IGSF21: variants seen among roughly 807,000 people sequenced by gnomAD.
IGSF21 encodes immunoglobin superfamily member 21.
In IGSF21, 28 loss-of-function variants were observed where a neutral mutation model predicts 46.8. That is an observed-to-expected ratio of 0.60 (90% CI 0.44 to 0.82). The LOEUF (loss-of-function observed/expected upper bound fraction) is 0.82. Ranked by LOEUF, IGSF21 falls within the 40% of genes least tolerant of loss-of-function variation. The probability of loss-of-function intolerance (pLI) is 0.00; values close to 1 mark genes in which losing one functional copy is unlikely to be tolerated. For missense variants in IGSF21, 624 were observed against 665.5 expected (o/e 0.94, Z 0.69); for synonymous variants, 284 against 273.6 (o/e 1.04, Z -0.38).
At chr1:18,368,605 C>T (rs907955479) in intron 6 of IGSF21, among the ~76,000 whole-genome samples, 1 of 152,044 alleles carries the variant, frequency 6.6e-6, no homozygotes, top group Non-Finnish European at 1.5e-5. Context: ...CAACCCAGAG[C>T]CTGCTCCGAC....
intron 1 of IGSF21, among the ~76,000 whole-genome samples, chr1:18,212,680 G>A (rs1325033657): frequency 6.6e-6 from 1 of 152,202 alleles, no homozygotes; most frequent in African/African-American, 2.4e-5. Context: ...AACCCAGGGG[G>A]GGTCCTGGCC....
chr1:18,174,331 CT>C (rs1370710669), intron 1 of IGSF21, among the ~76,000 whole-genome samples: 1 of 152,184 alleles, frequency 6.6e-6, no homozygotes, highest in Non-Finnish European at 1.5e-5. Flanking sequence ...GTCTAAGCGT[CT>C]TCACAGATGG....
chr1:18,274,539 C>T (rs2085081587), intron 2 of IGSF21, among the ~76,000 whole-genome samples: 1 of 152,262 alleles, frequency 6.6e-6, no homozygotes, highest in Non-Finnish European at 1.5e-5. Context: ...GGAATACAGT[C>T]ATGTTCATTC....
At chr1:18,117,640 C>T (rs1033159802) in intron 1 of IGSF21, among the ~76,000 whole-genome samples, 3 of 152,166 alleles carry the variant, frequency 2.0e-5, no homozygotes, top group Non-Finnish European at 4.4e-5. Context: ...TGGTTGCTCC[C>T]TTGATGATGT....
At chr1:18,227,695 G>A (rs747679536) in intron 1 of IGSF21, among the ~76,000 whole-genome samples, 3 of 151,900 alleles carry the variant, frequency 2.0e-5, no homozygotes, top group Non-Finnish European at 4.4e-5. Context: ...GTTGAAGAGA[G>A]GGAAGAAGAG....
intron 2 of IGSF21, among the ~76,000 whole-genome samples, chr1:18,253,611 A>G (rs1200232071): frequency 1.3e-5 from 2 of 152,230 alleles, no homozygotes; most frequent in East Asian, 1.9e-4. Context: ...CAAAACACCA[A>G]TTAAAGGCCC....
chr1:18,260,806 C>A (rs2084940079), intron 2 of IGSF21, among the ~76,000 whole-genome samples: 1 of 152,166 alleles, frequency 6.6e-6, no homozygotes, highest in Admixed American at 6.5e-5. Flanking sequence ...GCGTCCGAGC[C>A]CTGCCTCTGG....
chr1:18,196,146 T>C (rs555150235), intron 1 of IGSF21, among the ~76,000 whole-genome samples: 2 of 151,978 alleles, frequency 1.3e-5, no homozygotes, highest in East Asian at 3.9e-4. Context: ...TTGAGGAGGA[T>C]TTGAAGAGTT....
At chr1:18,305,388 T>C (rs1341764656) in intron 3 of IGSF21, among the ~76,000 whole-genome samples, 1 of 146,882 alleles carries the variant, frequency 6.8e-6, no homozygotes, top group African/African-American at 2.6e-5. Flanking sequence ...GATGCATGGA[T>C]GGATGGATGG....
intron 1 of IGSF21, among the ~76,000 whole-genome samples, chr1:18,206,337 C>T (rs1049449346): frequency 6.6e-6 from 1 of 152,002 alleles, no homozygotes; most frequent in Non-Finnish European, 1.5e-5. Flanking sequence ...TTGCTTGAGC[C>T]CAGTAGTTCA....
At chr1:18,340,897 T>TCTTCTC (rs543659757) in intron 4 of IGSF21, among the ~76,000 whole-genome samples, 112 of 152,040 alleles carry the variant, frequency 7.4e-4, no homozygotes, top group African/African-American at 1.4e-3. Flanking sequence ...TGCTTCTGCT[T>TCTTCTC]CTTCTCCTTC....
At chr1:18,232,641 G>T (rs116311170) in intron 2 of IGSF21, among the ~76,000 whole-genome samples, 1 of 152,180 alleles carries the variant, frequency 6.6e-6, no homozygotes, top group Non-Finnish European at 1.5e-5. Context: ...CTCTGTGTGG[G>T]TCTTTACACT....
rs183449889 is a variant in IGSF21, at chr1:18,226,766, G to A, written c.71-1132G>A. 9.9e-5 allele frequency among the ~76,000 whole-genome samples: 15 copies of A among 152,278 alleles called. No individual in the cohort carries two copies. In the South Asian group the frequency reaches 1.7e-3, roughly 17 times the overall value. The stretch of plus-strand genomic sequence containing the variant: ...GCTTGCCTGCACAATTGAAATCTTC[G>A]AACCCATCCTGGCTAGTTTTCTCAT... On this transcript the variant is annotated intron_variant, in intron 1 of 9. Transcript: ENST00000251296.
At chr1:18,289,838 C>G (rs1249103634) in intron 2 of IGSF21, among the ~76,000 whole-genome samples, 1 of 152,132 alleles carries the variant, frequency 6.6e-6, no homozygotes, top group Non-Finnish European at 1.5e-5. Flanking sequence ...AAAATCACCC[C>G]CCAAGTGAAA....
intron 1 of IGSF21, among the ~76,000 whole-genome samples, chr1:18,224,396 G>C (rs941103370): frequency 6.6e-6 from 1 of 152,036 alleles, no homozygotes. Context: ...CTTTATTCCA[G>C]CCTCCTCAGA....
At chr1:18,370,096 T>A (rs1041261206) in intron 6 of IGSF21, among the ~76,000 whole-genome samples, 2 of 152,142 alleles carry the variant, frequency 1.3e-5, no homozygotes. Flanking sequence ...CCTCTCCAAA[T>A]ACCCAACCCA....
At chr1:18,264,052 T>C (rs2124539432) in intron 2 of IGSF21, among the ~76,000 whole-genome samples, 1 of 152,248 alleles carries the variant, frequency 6.6e-6, no homozygotes, top group Admixed American at 6.5e-5. Flanking sequence ...GGGCCAAAAA[T>C]AAAATAAAAC....
chr1:18,350,852 G>A (rs1008081412), intron 4 of IGSF21, among the ~76,000 whole-genome samples: 3 of 152,196 alleles, frequency 2.0e-5, no homozygotes, highest in Non-Finnish European at 4.4e-5. Context: ...GAAATCTCCC[G>A]CTTGAAGGAA....
intron 1 of IGSF21, among the ~76,000 whole-genome samples, chr1:18,154,989 C>T (rs1397685913): frequency 6.6e-6 from 1 of 152,028 alleles, no homozygotes; most frequent in Non-Finnish European, 1.5e-5. Flanking sequence ...AAATGGGGGG[C>T]TCACTTATGC....
Sources: gnomAD v4.1 joint callset for allele counts (sites outside exome capture counted in the v4.1 genomes callset) on GRCh38, gnomAD v4.1.1 for gene constraint, MANE v1.5 for transcripts, NCBI Gene and HGNC (gene_info 2026-07-23, HGNC 2026-07-21) for gene names.